Variants in PRKDC observed in about 807,000 individuals in gnomAD.
PRKDC encodes the protein DNA-dependent protein kinase catalytic subunit.
PRKDC carries 82 observed loss-of-function variants against 486.9 expected under a neutral mutation model. That is an observed-to-expected ratio of 0.17 (90% confidence interval 0.14 to 0.20). PRKDC has a LOEUF of 0.20. Among genes scored for constraint, PRKDC ranks in the 10% least tolerant of loss-of-function variants. The probability of loss-of-function intolerance (pLI) is 1.00; values close to 1 mark genes in which losing one functional copy is unlikely to be tolerated. For synonymous variants in PRKDC, 1,895 were observed against 1,837.0 expected (o/e 1.03, Z -0.81); for missense variants, 4,504 against 5,038.2 (o/e 0.89, Z 3.21).
At chr8:47,778,947 T>C in intron 81 of PRKDC, 57 bp downstream of exon 81, 3 of 1,463,446 alleles carry the variant, frequency 2.0e-6, no homozygotes, top group Middle Eastern at 1.8e-4. Flanking sequence ...AAAGAAAACA[T>C]GCAATTTGCA....
chr8:47,905,247 T>C (rs1253166343), intron 25 of PRKDC, among the ~76,000 whole-genome samples: 1 of 152,154 alleles, frequency 6.6e-6, no homozygotes, highest in Non-Finnish European at 1.5e-5. Context: ...TAGGTTGGCC[T>C]TGAACTCCTG....
chr8:47,831,423 C>T (rs963228902), intron 60 of PRKDC, among the ~76,000 whole-genome samples: 2 of 152,244 alleles, frequency 1.3e-5, no homozygotes, highest in East Asian at 1.9e-4. Flanking sequence ...GGAGTCTCCA[C>T]GCCACGGGAA....
In PRKDC at chr8:47,887,594, G is replaced by A. The variant is rs373581740; in HGVS notation, c.4525C>T (p.Gln1509Ter). Residue 1509 changes from glutamine (Q) to a stop codon, truncating the protein, a stop_gained, in exon 35 of 86, where the codon CAG (glutamine) becomes TAG (stop). Transcript: ENST00000314191. LOFTEE classifies it high-confidence loss of function. ...CLPSLDLSCK[Q>*]LASGLLELAF... Reference sequence around the variant, plus strand: ...AACTCCAGAAGTCCGCTGGCCAGCTGCTTACAACTGAGGTCTAGAGAAGGC... The same window carrying A: ...AACTCCAGAAGTCCGCTGGCCAGCTACTTACAACTGAGGTCTAGAGAAGGC... The A allele has an allele frequency of 6.3e-7, 1 of 1,598,620 alleles. No homozygotes were observed. The highest frequency in any genetic ancestry group is 8.5e-7 in the Non-Finnish European group (1 of 1,172,564).
At chr8:47,943,735 G>GTTT (rs1215111073) in intron 9 of PRKDC, 118 bp downstream of exon 9, 1 of 906,648 alleles carries the variant, frequency 1.1e-6, no homozygotes. Context: ...AAATAACTGT[G>GTTT]TGTGAAACAT....
chr8:47,836,238 T>C, intron 58 of PRKDC, 100 bp downstream of exon 58: 2 of 1,189,682 alleles, frequency 1.7e-6, no homozygotes. Context: ...TTTGCTATTA[T>C]CCCTTACTTC....
chr8:47,902,856 C>A, intron 26 of PRKDC, 61 bp from the exon 27 acceptor site: 1 of 1,314,340 alleles, frequency 7.6e-7, no homozygotes, highest in Non-Finnish European at 1.0e-6. Flanking sequence ...CAACTGAATA[C>A]CCTTGGTCTA....
intron 14 of PRKDC, 90 bp downstream of exon 14, chr8:47,934,919 T>C: frequency 2.8e-6 from 3 of 1,072,298 alleles, no homozygotes; most frequent in Non-Finnish European, 4.1e-6. Flanking sequence ...GAACGGCCAC[T>C]TTTGCAAAAT....
chr8:47,923,955 T>C lies in PRKDC; in HGVS notation c.2419+3239A>G, dbSNP rs112375962. Among the ~76,000 whole-genome samples the C allele has an allele frequency of 1.8e-4, 28 of 152,318 alleles. 1 individual carries two copies. The highest frequency in any genetic ancestry group is 6.5e-4 in the African/African-American group (27 of 41,590). ...TCAATGGGTGCTAATTTAAGCTAAG[T>C]TTATAAGAACTTATTACACACCAAA... On this transcript the variant is annotated intron_variant, in intron 21 of 85. Transcript: ENST00000314191.
At chr8:47,958,750 T>C in intron 1 of PRKDC, among the ~76,000 whole-genome samples, 1 of 151,786 alleles carries the variant, frequency 6.6e-6, no homozygotes, top group Non-Finnish European at 1.5e-5. Flanking sequence ...TTTTTTTTTT[T>C]TTTGGGACGG....
intron 22 of PRKDC, among the ~76,000 whole-genome samples, chr8:47,917,713 TTC>T: frequency 6.6e-6 from 1 of 152,352 alleles, no homozygotes; most frequent in Admixed American, 6.5e-5. Context: ...GGTATCAGTA[TTC>T]TGACTTGCTT....
intron 38 of PRKDC, among the ~76,000 whole-genome samples, chr8:47,881,106 G>C (rs2089206404): frequency 6.7e-6 from 1 of 150,122 alleles, no homozygotes; most frequent in Non-Finnish European, 1.5e-5. Flanking sequence ...AAGCAAGCAA[G>C]AAAGAAAGAA....
chr8:47,937,442 C>T (rs1012530789), intron 11 of PRKDC, among the ~76,000 whole-genome samples: 3 of 152,212 alleles, frequency 2.0e-5, no homozygotes, highest in African/African-American at 7.2e-5. Context: ...CAAGGCTGTC[C>T]ACCTACAGGA....
Position 47,778,560 on chromosome 8 carries a change from G to A in PRKDC, c.11752C>T (p.Leu3918Phe). 1 of 1,613,856 alleles carries A rather than the reference G, an allele frequency of 6.2e-7. No homozygotes were observed. The highest frequency in any genetic ancestry group is 8.5e-7 in the Non-Finnish European group (1 of 1,179,838). ...TTCAGATGTCTGTCTCCAATCCCGAGGATCCAGTGGCTGATGCATATCAGA... is the reference window on the plus strand; with the variant it reads ...TTCAGATGTCTGTCTCCAATCCCGAAGATCCAGTGGCTGATGCATATCAGA... The part of the protein sequence containing the change: ...HALICISHWI[L>F]GIGDRHLNNF... The change falls in exon 83 of 86, where the codon CTC (leucine) becomes TTC (phenylalanine). Residue 3918 changes from leucine to phenylalanine, a missense_variant. Leu to Phe is a conservative substitution (Grantham distance 22). This residue lies in a region of PRKDC where 706 missense variants were observed against 945.0 expected (regional missense o/e 0.75). Coordinates refer to ENST00000314191, the MANE Select transcript of PRKDC (RefSeq NM_006904.7).
intron 68 of PRKDC, among the ~76,000 whole-genome samples, chr8:47,811,629 A>ACACATGAAAT (rs2087327167): frequency 3.3e-5 from 5 of 152,204 alleles, no homozygotes. Flanking sequence ...ACAGATAAAC[A>ACACATGAAAT]CACATGAAAT....
At chr8:47,821,320 G>T (rs776789573) in intron 65 of PRKDC, among the ~76,000 whole-genome samples, 3 of 152,126 alleles carry the variant, frequency 2.0e-5, no homozygotes, top group Non-Finnish European at 2.9e-5. Context: ...GATCCGGGGC[G>T]ACTTCTTGTA....
chr8:47,838,642 C>A (rs185027466), intron 56 of PRKDC, among the ~76,000 whole-genome samples: 18 of 152,150 alleles, frequency 1.2e-4, no homozygotes, highest in Admixed American at 7.2e-4. Flanking sequence ...AAAAGTTTAC[C>A]CCTCTTCTTA....
intron 71 of PRKDC, among the ~76,000 whole-genome samples, chr8:47,799,641 C>T (rs749883831): frequency 1.3e-5 from 2 of 152,138 alleles, no homozygotes; most frequent in Non-Finnish European, 2.9e-5. Context: ...ACAAGCAACA[C>T]AGAGCTGGGT....
At chr8:47,870,326 C>T (rs1308496764) in intron 40 of PRKDC, among the ~76,000 whole-genome samples, 5 of 152,176 alleles carry the variant, frequency 3.3e-5, no homozygotes, top group Non-Finnish European at 5.9e-5. Flanking sequence ...CCCCCAGCTA[C>T]AGGTAATCAG....
rs189225802 is a variant in PRKDC at position 47,852,026 on chromosome 8, G to A, written c.7005+647C>T. Reference sequence around the variant, plus strand: ...AGCTACTCGGGAGGCTAAGGTGGGAGGATGGCTTGAGCCCAGGAGTGCAAG... The same window carrying A: ...AGCTACTCGGGAGGCTAAGGTGGGAAGATGGCTTGAGCCCAGGAGTGCAAG... On this transcript the variant is annotated intron_variant, in intron 52 of 85. Transcript: ENST00000314191. Among the ~76,000 whole-genome samples the A allele has an allele frequency of 6.5e-4, 99 of 152,326 alleles. 1 individual carries two copies. Among genetic ancestry groups the A allele is most frequent in the Non-Finnish European group, 9.6e-4 (65 of 68,036 alleles).
Sources: gnomAD v4.1 joint callset for allele counts (sites outside exome capture counted in the v4.1 genomes callset) on GRCh38, gnomAD v4.1.1 for gene constraint, gnomAD v4.1.1 regional missense constraint, MANE v1.5 for transcripts, NCBI Gene and HGNC (gene_info 2026-07-23, HGNC 2026-07-21) for gene names.